Variants in DDX4 observed in about 807,000 individuals in gnomAD.
DDX4 encodes DEAD-box helicase 4, also known as probable ATP-dependent RNA helicase DDX4.
In DDX4, 25 loss-of-function variants were observed where a neutral mutation model predicts 100.0. The observed-to-expected ratio is 0.25, with a 90% confidence interval of 0.18 to 0.35. DDX4 has a LOEUF of 0.35. Ranked by LOEUF, DDX4 falls within the 10% of genes least tolerant of loss-of-function variation. The pLI, the probability that DDX4 is intolerant of heterozygous loss-of-function variation, is 1.00. For missense variants in DDX4, 635 were observed against 882.4 expected, an observed-to-expected ratio of 0.72 and a Z score of 3.55; for synonymous variants, 259 against 275.7, an observed-to-expected ratio of 0.94 and a Z score of 0.60.
chr5:55,810,081 T>C (rs1472730487), intron 18 of DDX4, among the ~76,000 whole-genome samples: 1 of 152,090 alleles, frequency 6.6e-6, no homozygotes, highest in African/African-American at 2.4e-5. Context: ...TCCAAAATAC[T>C]TGAGACCAGA....
At chr5:55,811,419 T>A (rs1744117979) in intron 18 of DDX4, among the ~76,000 whole-genome samples, 1 of 152,158 alleles carries the variant, frequency 6.6e-6, no homozygotes, top group Admixed American at 6.5e-5. Flanking sequence ...ATACTAAGAA[T>A]TATTTATTTT....
chr5:55,767,111 T>A, intron 6 of DDX4: 1 of 1,234,834 alleles, frequency 8.1e-7, no homozygotes, highest in East Asian at 2.8e-5. Flanking sequence ...AGTTTGCATA[T>A]ATTTAAGAAA....
At chr5:55,792,589 T>A (rs1203389251) in intron 16 of DDX4, 52 bp from the exon 17 acceptor site, 1 of 932,378 alleles carries the variant, frequency 1.1e-6, no homozygotes, top group Non-Finnish European at 1.5e-6. Flanking sequence ...GAGAATAGTT[T>A]AATATAAACT....
chr5:55,739,927 G>A (rs971761440), intron 2 of DDX4, among the ~76,000 whole-genome samples: 4 of 151,698 alleles, frequency 2.6e-5, no homozygotes, highest in African/African-American at 7.3e-5. Context: ...TTTTTGTAGA[G>A]ATGAAGTCTC....
At chr5:55,786,859 C>T (rs1742278742) in intron 14 of DDX4, among the ~76,000 whole-genome samples, 189 bp downstream of exon 14, 1 of 152,070 alleles carries the variant, frequency 6.6e-6, no homozygotes, top group Non-Finnish European at 1.5e-5. Flanking sequence ...TGAACTATTC[C>T]TGGGGTGGTG....
At chr5:55,772,610 G>T (rs1204412524) in intron 7 of DDX4, among the ~76,000 whole-genome samples, 1 of 152,104 alleles carries the variant, frequency 6.6e-6, no homozygotes, top group Non-Finnish European at 1.5e-5. Flanking sequence ...GAGGTATTTG[G>T]GTCATGGGGG....
At chr5:55,747,852 G>A (rs1477512624) in intron 3 of DDX4, among the ~76,000 whole-genome samples, 1 of 152,184 alleles carries the variant, frequency 6.6e-6, no homozygotes, top group Non-Finnish European at 1.5e-5. Flanking sequence ...ACTAGCATAA[G>A]GAAGAGGGCC....
At chr5:55,784,552 G>A (rs959460694) in intron 10 of DDX4, among the ~76,000 whole-genome samples, 5 of 152,174 alleles carry the variant, frequency 3.3e-5, no homozygotes, top group Non-Finnish European at 7.3e-5. Flanking sequence ...TGAAAACTTG[G>A]ATTTGGGACG....
At chr5:55,748,601 T>A (rs1759372178) in intron 3 of DDX4, among the ~76,000 whole-genome samples, 1 of 152,188 alleles carries the variant, frequency 6.6e-6, no homozygotes, top group African/African-American at 2.4e-5. Flanking sequence ...CTTACCTTCT[T>A]CTAGATAACA....
intron 10 of DDX4, among the ~76,000 whole-genome samples, chr5:55,785,054 T>G (rs981930583): frequency 2.0e-5 from 3 of 152,226 alleles, no homozygotes; most frequent in Non-Finnish European, 2.9e-5. Flanking sequence ...CTTTGCTGAT[T>G]AGGAAAGAAA....
intron 18 of DDX4, among the ~76,000 whole-genome samples, chr5:55,806,536 A>G (rs374334877): frequency 6.6e-6 from 1 of 152,052 alleles, no homozygotes; most frequent in Non-Finnish European, 1.5e-5. Context: ...CTTTGTTCTC[A>G]TTGGTTTCAA....
chr5:55,753,855 T>C (rs1474193072), intron 3 of DDX4, among the ~76,000 whole-genome samples: 1 of 127,088 alleles, frequency 7.9e-6, no homozygotes, highest in African/African-American at 3.0e-5. Flanking sequence ...CGTTGAGCAG[T>C]GGTTTGTAGT....
chr5:55,814,711 C>T (rs766476059), intron 19 of DDX4, among the ~76,000 whole-genome samples, 190 bp from the exon 20 acceptor site: 2 of 152,098 alleles, frequency 1.3e-5, no homozygotes, highest in East Asian at 1.9e-4. Flanking sequence ...AGACTGGTCT[C>T]GATCTCCTCA....
chr5:55,772,834 TATCAAATCTTG>T (rs1741334800), intron 7 of DDX4, among the ~76,000 whole-genome samples: 1 of 152,212 alleles, frequency 6.6e-6, no homozygotes, highest in South Asian at 2.1e-4. Context: ...CATTTTCAGA[TATCAAATCTTG>T]AGCCAAATAA....
At chr5:55,779,471 T>C (rs1244839350) in intron 7 of DDX4, among the ~76,000 whole-genome samples, 2 of 152,226 alleles carry the variant, frequency 1.3e-5, no homozygotes, top group Non-Finnish European at 2.9e-5. Flanking sequence ...CTATGTGCAA[T>C]TAAATTTTAC....
chr5:55,801,375 T>C (rs1743294007), intron 18 of DDX4, among the ~76,000 whole-genome samples: 2 of 152,222 alleles, frequency 1.3e-5, no homozygotes, highest in Admixed American at 6.5e-5. Flanking sequence ...TTAGGAATGC[T>C]AAAATTAATT....
At position 55,805,624 on chromosome 5, in the gene DDX4, A is replaced by C. The variant is rs569161852; in HGVS notation, c.1615+7053A>C. On this transcript the variant is annotated intron_variant, in intron 18 of 21. Transcript: ENST00000505374. The stretch of plus-strand genomic sequence containing the variant: ...TGGCTCTGTTTCTATGCTGGATTAC[A>C]TTTATTGATTTGCATACATTGAACC... Among the ~76,000 whole-genome samples the C allele has an allele frequency of 8.1e-3, 1,238 of 152,288 alleles. 15 individuals are homozygous for C. The highest frequency in any genetic ancestry group is 0.028 in the African/African-American group (1,176 of 41,552).
chr5:55,753,772 A>G (rs13173312), intron 3 of DDX4, among the ~76,000 whole-genome samples: 39,584 of 126,290 alleles, frequency 0.31, 6,711 homozygotes, highest in East Asian at 0.44. Context: ...CAGTATGGCC[A>G]TTTTCACGAT....
Position 55,746,145 on chromosome 5 carries a change from T to C in DDX4, c.70-19T>C. On this transcript the variant is annotated intron_variant, in intron 2 of 21. Transcript: ENST00000505374. ...TATTCAAAGTAGGAAACTAGTTTTT[T>C]CTTTCTTCTTTCTCACAGGATAGGT... is the stretch of plus-strand genomic sequence containing the variant. The C allele has an allele frequency of 6.3e-7, 1 of 1,586,180 alleles. No individual in the cohort carries two copies. Among genetic ancestry groups the C allele is most frequent in the South Asian group, 1.2e-5 (1 of 85,586 alleles).
Sources: allele counts gnomAD v4.1 joint callset (sites outside exome capture counted in the v4.1 genomes callset), GRCh38; gene constraint gnomAD v4.1.1; transcripts MANE v1.5; gene names NCBI Gene and HGNC (gene_info 2026-07-23, HGNC 2026-07-21).